Variants in CD274 observed in about 807,000 individuals in gnomAD.
The protein encoded by CD274 is programmed cell death 1 ligand 1.
In CD274, 8 loss-of-function variants were observed where a neutral mutation model predicts 30.1. The observed-to-expected ratio is 0.27, with a 90% CI of 0.16 to 0.48. The LOEUF is 0.48. Ranked by LOEUF, CD274 falls within the 20% of genes least tolerant of loss-of-function variation. The probability of loss-of-function intolerance (pLI) is 0.99; values close to 1 mark genes in which losing one functional copy is unlikely to be tolerated. For synonymous variants in CD274, 152 were observed against 124.6 expected (o/e 1.22, Z -1.46); for missense variants, 353 against 346.6 (o/e 1.02, Z -0.15).
intron 1 of CD274, among the ~76,000 whole-genome samples, chr9:5,452,603 G>A (rs1012804297): frequency 6.6e-6 from 1 of 152,210 alleles, no homozygotes; most frequent in Non-Finnish European, 1.5e-5. Context: ...AAGAACATGT[G>A]TGTATTTACA....
chr9:5,457,012 T>G, intron 2 of CD274, 67 bp from the exon 3 acceptor site: 2 of 1,079,188 alleles, frequency 1.9e-6, no homozygotes. Flanking sequence ...TTATAAACGC[T>G]GTGCCAATTT....
intron 3 of CD274, among the ~76,000 whole-genome samples, chr9:5,458,882 T>G (rs1819353407): frequency 6.6e-6 from 1 of 152,154 alleles, no homozygotes. Flanking sequence ...TCCAAGATAT[T>G]AAAGAAATCA....
chr9:5,459,693 G>T (rs1238017664), intron 3 of CD274, among the ~76,000 whole-genome samples: 2 of 152,166 alleles, frequency 1.3e-5, no homozygotes, highest in African/African-American at 4.8e-5. Context: ...TTAAATGCCA[G>T]ACTCTCAGGC....
At chr9:5,461,335 G>A (rs1452323049) in intron 3 of CD274, among the ~76,000 whole-genome samples, 1 of 152,098 alleles carries the variant, frequency 6.6e-6, no homozygotes, top group Non-Finnish European at 1.5e-5. Flanking sequence ...AAGATGGTTA[G>A]TTTAGTCAAA....
intron 3 of CD274, among the ~76,000 whole-genome samples, chr9:5,457,698 A>G (rs1162690488): frequency 6.6e-6 from 1 of 152,194 alleles, no homozygotes; most frequent in Non-Finnish European, 1.5e-5. Context: ...TTTTATTACA[A>G]ATGGAATACG....
At chr9:5,452,495 C>A (rs943608633) in intron 1 of CD274, among the ~76,000 whole-genome samples, 2 of 152,176 alleles carry the variant, frequency 1.3e-5, no homozygotes, top group Admixed American at 6.5e-5. Flanking sequence ...TGTCTCCATT[C>A]GGATATGGGA....
At chr9:5,462,211 T>C (rs61061063) in intron 3 of CD274, among the ~76,000 whole-genome samples, 30,543 of 152,134 alleles carry the variant, frequency 0.2, 3,508 homozygotes, top group Middle Eastern at 0.32. Flanking sequence ...ATATCTAATT[T>C]CTGATCATTG....
chr9:5,462,875 C>A lies in CD274; in HGVS notation c.436C>A (p.Pro146Thr), dbSNP rs1364124683. 5 of 1,613,876 alleles carry A rather than the reference C, an allele frequency of 3.1e-6. No individual in the cohort carries two copies. The South Asian group carries it at 3.3e-5, about 11-fold the overall frequency. Residue 146 changes from proline (P) to threonine (T), a missense_variant, in exon 4 of 7, where the codon CCA becomes ACA. Pro to Thr is a conservative substitution (Grantham distance 38, BLOSUM62 -1). Coordinates refer to ENST00000381577, the MANE Select transcript of CD274 (RefSeq NM_014143.4). ...CAACCAAAGAATTTTGGTTGTGGAT[C>A]CAGTCACCTCTGAACATGAACTGAC... ...KINQRILVVD[P>T]VTSEHELTCQ...
intron 3 of CD274, among the ~76,000 whole-genome samples, chr9:5,461,121 G>C (rs561903633): frequency 8.7e-4 from 133 of 152,280 alleles, no homozygotes; most frequent in African/African-American, 3.1e-3. Context: ...AACAAAGGTG[G>C]ATGGTGTCAA....
intron 4 of CD274, among the ~76,000 whole-genome samples, chr9:5,463,791 G>T (rs1488624069): frequency 6.6e-6 from 1 of 151,990 alleles, no homozygotes; most frequent in Non-Finnish European, 1.5e-5. Context: ...TTATTGTAAG[G>T]GTCAGATTAG....
intron 3 of CD274, among the ~76,000 whole-genome samples, chr9:5,461,728 G>A (rs1233275466): frequency 1.3e-5 from 2 of 152,042 alleles, no homozygotes; most frequent in South Asian, 2.1e-4. Context: ...ATGCTATATA[G>A]GTGCACTAAA....
Position 5,465,510 on chromosome 9 carries a change from G to A in CD274, c.694G>A (p.Ala232Thr), listed in dbSNP as rs2131229688. 1.2e-6 allele frequency: 2 copies of A among 1,605,404 alleles called. No individual in the cohort carries two copies. The highest frequency in any genetic ancestry group is 1.1e-5 in the South Asian group (1 of 90,886). The change falls in exon 5 of 7, where the codon GCA becomes ACA. Residue 232 changes from alanine (A) to threonine (T), a missense_variant. Physicochemically the swap from Ala to Thr is moderately conservative, Grantham distance 58. Coordinates refer to ENST00000381577, the MANE Select transcript of CD274 (RefSeq NM_014143.4). ...GTTTTGTTTTTCAGAACTACCTCTGGCACATCCTCCAAATGAAAGGACTCA... is the reference window on the plus strand; with the variant it reads ...GTTTTGTTTTTCAGAACTACCTCTGACACATCCTCCAAATGAAAGGACTCA... ...AELVIPELPLAHPPNERTHLV... is the reference protein window; with the variant it reads ...AELVIPELPLTHPPNERTHLV...
In CD274 at chr9:5,469,537, C is replaced by T. The variant is rs1209089461; in HGVS notation, c.*1675C>T. The T allele has an allele frequency of 4.3e-6, 1 of 231,390 alleles. No homozygotes were observed. The highest frequency in any genetic ancestry group is 2.2e-5 in the African/African-American group (1 of 45,232). 14.3% of individuals were successfully genotyped at this position (231,390 alleles called of 1,614,324 possible). ...TAACACATTGTATGTCTGCTGTGTA[C>T]TTTGCTATTTTTATTTATTTTAGTG... On this transcript the variant is annotated 3_prime_UTR_variant, in exon 7 of 7. Transcript: ENST00000381577.
chr9:5,467,816 TA>T lies in CD274; in HGVS notation c.851-22del. The T allele has an allele frequency of 1.9e-6, 3 of 1,593,060 alleles. No homozygotes were observed. The South Asian group carries it at 3.3e-5, about 18-fold the overall frequency. On this transcript the variant is annotated intron_variant, in intron 6 of 6. Transcript: ENST00000381577. ...TTCCCCAGACCACTTCCCATGAAAT[TA>T]ATATACTATTATCACTCTCCAGATA... is the stretch of plus-strand genomic sequence containing the variant.
intron 1 of CD274, among the ~76,000 whole-genome samples, chr9:5,452,026 CTT>C (rs71326169): frequency 3.2e-5 from 4 of 126,412 alleles, no homozygotes; most frequent in Non-Finnish European, 4.8e-5. Context: ...TTTTTTTTGT[CTT>C]TTTTTTTTTT....
intron 3 of CD274, among the ~76,000 whole-genome samples, chr9:5,461,822 C>G (rs1819408886): frequency 6.6e-6 from 1 of 152,110 alleles, no homozygotes; most frequent in African/African-American, 2.4e-5. Context: ...ATCAAACTTT[C>G]TTCCTTGAGC....
intron 1 of CD274, 54 bp from the exon 2 acceptor site, chr9:5,456,046 T>G: frequency 4.1e-6 from 4 of 979,090 alleles, no homozygotes; most frequent in Non-Finnish European, 6.6e-6. Context: ...ATTGTCATAT[T>G]GTATGTTTAA....
chr9:5,465,595 G>A lies in CD274; in HGVS notation c.779G>A (p.Arg260His), dbSNP rs148141792. 47 of 1,590,322 alleles carry A rather than the reference G, an allele frequency of 3.0e-5. No individual in the cohort carries two copies. The highest frequency in any genetic ancestry group is 2.7e-4 in the African/African-American group (20 of 74,358). ...GGTGTAGCACTGACATTCATCTTCC[G>A]TTTAAGAAAAGGTAGTATTTCCTTA... ...CLGVALTFIFRLRKGRMMDVK... is the reference protein window; with the variant it reads ...CLGVALTFIFHLRKGRMMDVK... The change falls in exon 5 of 7, where the codon CGT becomes CAT. Residue 260 changes from arginine to histidine, a missense_variant. Physicochemically the swap from Arg to His is conservative, Grantham distance 29. Coordinates refer to ENST00000381577, the MANE Select transcript of CD274 (RefSeq NM_014143.4).
chr9:5,458,203 A>G (rs1242156300), intron 3 of CD274, among the ~76,000 whole-genome samples: 1 of 152,204 alleles, frequency 6.6e-6, no homozygotes, highest in Non-Finnish European at 1.5e-5. Context: ...AGTAAAGGAA[A>G]ACACCTCTGC....
Sources: allele counts gnomAD v4.1 joint callset (sites outside exome capture counted in the v4.1 genomes callset), GRCh38; gene constraint gnomAD v4.1.1; transcripts MANE v1.5; gene names NCBI Gene and HGNC (gene_info 2026-07-23, HGNC 2026-07-21).